DNAJB14: variants seen among roughly 807,000 people sequenced by gnomAD.
The protein encoded by DNAJB14 is DnaJ heat shock protein family (Hsp40) member B14.
DNAJB14 carries 22 observed loss-of-function variants against 48.4 expected under a neutral mutation model. That is an observed-to-expected ratio of 0.45 (90% confidence interval 0.32 to 0.65). DNAJB14 has a LOEUF of 0.65. Among genes scored for constraint, DNAJB14 ranks in the 30% least tolerant of loss-of-function variants. DNAJB14 has a pLI of 0.03. For missense variants in DNAJB14, 319 were observed against 458.8 expected, an observed-to-expected ratio of 0.70 and a Z score of 2.78; for synonymous variants, 142 against 158.7, an observed-to-expected ratio of 0.89 and a Z score of 0.79.
chr4:99,897,779 C>T lies in DNAJB14; in HGVS notation c.*3249G>A, dbSNP rs1415603307. The T allele has an allele frequency of 4.6e-5, 7 of 151,950 alleles. No homozygotes were observed. The highest frequency in any genetic ancestry group is 1.5e-5 in the Non-Finnish European group (1 of 67,878). 9.4% of individuals were successfully genotyped at this position (151,950 alleles called of 1,614,324 possible). A position where few individuals can be genotyped will look rare whatever the true frequency, so the allele number is the denominator to read the frequency against. ...ATGAATTCCCTTTCAGTTTGCTTCACTCATTATGAAGATGGATAGTAATAG... is the reference window on the plus strand; with the variant it reads ...ATGAATTCCCTTTCAGTTTGCTTCATTCATTATGAAGATGGATAGTAATAG... On this transcript the variant is annotated 3_prime_UTR_variant, in exon 8 of 8. Coordinates refer to ENST00000442697, the MANE Select transcript of DNAJB14 (RefSeq NM_001031723.4).
intron 3 of DNAJB14, among the ~76,000 whole-genome samples, chr4:99,920,802 T>G (rs886236992): frequency 1.3e-5 from 2 of 152,194 alleles, no homozygotes; most frequent in Non-Finnish European, 2.9e-5. Flanking sequence ...AATTACTAAT[T>G]ACCTCTTCTT....
chr4:99,915,736 T>C (rs1725831445), intron 3 of DNAJB14, among the ~76,000 whole-genome samples: 1 of 152,214 alleles, frequency 6.6e-6, no homozygotes, highest in Admixed American at 6.5e-5. Context: ...AAATGTTGAT[T>C]AGATCTTGTT....
chr4:99,932,618 A>C (rs1036577680), intron 1 of DNAJB14, among the ~76,000 whole-genome samples: 1 of 152,316 alleles, frequency 6.6e-6, no homozygotes, highest in South Asian at 2.1e-4. Context: ...AAGTAAACAT[A>C]GTTACCATTT....
At chr4:99,941,341 T>C (rs146583132) in intron 1 of DNAJB14, among the ~76,000 whole-genome samples, 3 of 152,326 alleles carry the variant, frequency 2.0e-5, no homozygotes, top group Middle Eastern at 3.4e-3. Flanking sequence ...TTACTCCTAA[T>C]TTAAAGCAAT....
At chr4:99,938,255 T>C (rs1458502764) in intron 1 of DNAJB14, among the ~76,000 whole-genome samples, 1 of 134,516 alleles carries the variant, frequency 7.4e-6, no homozygotes, top group African/African-American at 2.8e-5. Flanking sequence ...CATATACTCA[T>C]CAAAAATACC....
At chr4:99,934,789 CAAAAAAAAAAAAA>C (rs1167945149) in intron 1 of DNAJB14, among the ~76,000 whole-genome samples, 2 of 6,774 alleles carry the variant, frequency 3.0e-4, no homozygotes, top group Non-Finnish European at 4.9e-4. Flanking sequence ...AAGACTGTCT[CAAAAAAAAAAAAA>C]AAAAAAAAAA....
At chr4:99,901,554 C>G (rs1428602727) in intron 7 of DNAJB14, among the ~76,000 whole-genome samples, 1 of 151,940 alleles carries the variant, frequency 6.6e-6, no homozygotes, top group Non-Finnish European at 1.5e-5. Context: ...TATCCCAAGA[C>G]TTAAGTATTT....
chr4:99,934,890 CAATT>C (rs1323438223), intron 1 of DNAJB14, among the ~76,000 whole-genome samples: 1 of 130,814 alleles, frequency 7.6e-6, no homozygotes, highest in Non-Finnish European at 1.7e-5. Flanking sequence ...TTTAAAAAAT[CAATT>C]AAAAAAAGAC....
intron 1 of DNAJB14, among the ~76,000 whole-genome samples, chr4:99,934,789 C>CAAAAAAAAAAAAAAAAAAA (rs1167945149): frequency 1.5e-4 from 1 of 6,778 alleles, no homozygotes; most frequent in Non-Finnish European, 2.4e-4. Flanking sequence ...AAGACTGTCT[C>CAAAAAAAAAAAAAAAAAAA]AAAAAAAAAA....
At chr4:99,907,319 T>G (rs1725501623) in intron 4 of DNAJB14, among the ~76,000 whole-genome samples, 1 of 152,172 alleles carries the variant, frequency 6.6e-6, no homozygotes, top group Non-Finnish European at 1.5e-5. Context: ...TTTCAGTCAT[T>G]AATTTGCATT....
Position 99,897,946 on chromosome 4 carries a change from TA to T in DNAJB14, c.*3081del, listed in dbSNP as rs1300284161. 1 of 151,996 alleles carries T rather than the reference TA, an allele frequency of 6.6e-6. No individual in the cohort carries two copies. 9.4% of individuals were successfully genotyped at this position (151,996 alleles called of 1,614,324 possible). On this transcript the variant is annotated 3_prime_UTR_variant, in exon 8 of 8. Coordinates refer to ENST00000442697, the MANE Select transcript of DNAJB14 (RefSeq NM_001031723.4). ...CCTCAAGCCAACATCAAGAAATATT[TA>T]GCTGTCTTAACACAGGTGGGAGACT...
At chr4:99,933,333 G>A (rs536860857) in intron 1 of DNAJB14, among the ~76,000 whole-genome samples, 1 of 110,592 alleles carries the variant, frequency 9.0e-6, no homozygotes, top group Admixed American at 1.2e-4. Context: ...TTTTGAGACT[G>A]AGCCAGGCTG....
At chr4:99,927,933 T>G (rs554252214) in intron 2 of DNAJB14, 4 of 152,232 alleles carry the variant, frequency 2.6e-5, no homozygotes, top group African/African-American at 9.6e-5. Flanking sequence ...TGAAGGCTAA[T>G]ATAAGAGAAA....
Position 99,901,069 on chromosome 4 carries a change from T to A in DNAJB14, c.1099A>T (p.Lys367Ter). Reference protein sequence around the residue: ...KADALSMDNCKELERLTSLYK... With the variant: ...KADALSMDNC ...AGACTGGTAAGCCGCTCTAATTCTT[T>A]ACAGTTGTCCATGCTCAAGGCATCT... Residue 367 changes from lysine to a stop codon, truncating the protein, a stop_gained, in exon 8 of 8, where the codon AAA becomes TAA. Transcript: ENST00000442697. LOFTEE classifies it high-confidence loss of function. The A allele has an allele frequency of 6.2e-7, 1 of 1,610,946 alleles. No homozygotes were observed. Among genetic ancestry groups the A allele is most frequent in the Non-Finnish European group, 8.5e-7 (1 of 1,179,238 alleles).
At chr4:99,909,766 TA>T (rs1725595335) in intron 3 of DNAJB14, among the ~76,000 whole-genome samples, 1 of 152,026 alleles carries the variant, frequency 6.6e-6, no homozygotes, top group South Asian at 2.1e-4. Flanking sequence ...GCAAAGTTTT[TA>T]TATTATAAAA....
At chr4:99,934,775 G>C (rs1402215276) in intron 1 of DNAJB14, among the ~76,000 whole-genome samples, 1 of 68,266 alleles carries the variant, frequency 1.5e-5, no homozygotes, top group Non-Finnish European at 2.6e-5. Flanking sequence ...CTGGGTGACA[G>C]AGCAAGACTG....
chr4:99,915,200 TTTAG>T (rs1486381698), intron 3 of DNAJB14, among the ~76,000 whole-genome samples: 1 of 152,194 alleles, frequency 6.6e-6, no homozygotes, highest in Non-Finnish European at 1.5e-5. Flanking sequence ...TATTTTCATT[TTTAG>T]TTAGTTCACT....
rs149086010 is a variant in DNAJB14 at position 99,903,784 on chromosome 4, A to G, written c.957T>C (p.Ser319=). Residue 319 remains serine, a synonymous_variant, in exon 7 of 8, where the codon AGT becomes AGC. Transcript: ENST00000442697. ...TATTAGTCACATAATCTTCCTCCAC[A>G]CTCTTTTCTACCTTTTGTAATAACA... ...KGMLLQKVEK[S]VEEDYVTNIR... is the part of the protein sequence containing the mutation. The G allele has an allele frequency of 1.7e-4, 270 of 1,612,072 alleles. No homozygotes were observed. The African/African-American group carries it at 3.0e-3, about 18-fold the overall frequency.
Position 99,928,729 on chromosome 4 carries a change from G to A in DNAJB14, c.305+1721C>T, listed in dbSNP as rs760547972. The A allele has an allele frequency of 2.7e-5, 6 of 220,424 alleles. No homozygotes were observed. The Middle Eastern group carries it at 2.7e-3, about 99-fold the overall frequency. The allele number at this position is 220,424 out of a possible 1,614,324, so 13.7% of individuals were successfully genotyped here. A position where few individuals can be genotyped will look rare whatever the true frequency, so the allele number is the denominator to read the frequency against. ...TTTTTGGTAAACTTTCAAATATATA[G>A]GTGATTCTATATTCTTAAATATATA... On this transcript the variant is annotated intron_variant, in intron 2 of 7. Coordinates refer to ENST00000442697, the MANE Select transcript of DNAJB14 (RefSeq NM_001031723.4).
Sources: gnomAD v4.1 joint callset for allele counts (sites outside exome capture counted in the v4.1 genomes callset) on GRCh38, gnomAD v4.1.1 for gene constraint, MANE v1.5 for transcripts, NCBI Gene and HGNC (gene_info 2026-07-23, HGNC 2026-07-21) for gene names.